The following LMBR1 variants were observed in gnomAD, a reference collection of about 807,000 sequenced individuals.
The protein encoded by LMBR1 is limb region 1 protein homolog.
Under a neutral mutation model 73.9 loss-of-function variants are expected in LMBR1, and 52 were observed. The ratio of observed to expected loss-of-function variants is 0.70; its 90% CI spans 0.56 to 0.89. The LOEUF is 0.89. Ranked by LOEUF, LMBR1 falls within the 40% of genes least tolerant of loss-of-function variation. The pLI, the probability that LMBR1 is intolerant of heterozygous loss-of-function variation, is 0.00. For missense variants in LMBR1, 539 were observed against 579.8 expected (o/e 0.93, Z 0.72); for synonymous variants, 215 against 209.4 (o/e 1.03, Z -0.23).
At chr7:156,736,315 T>A (rs1817854615) in intron 9 of LMBR1, among the ~76,000 whole-genome samples, 2 of 152,244 alleles carry the variant, frequency 1.3e-5, no homozygotes, top group Non-Finnish European at 2.9e-5. Flanking sequence ...TAAACTGTTC[T>A]TTAACAGTCA....
rs1290799685 is a variant in LMBR1, at chr7:156,678,052, G to A, written c.*6026C>T. ...GGAGATACATGGATCATTCAGTGATGGGAAGAGCCCAGGAAAGGTTGTGCC... is the reference window on the plus strand; with the variant it reads ...GGAGATACATGGATCATTCAGTGATAGGAAGAGCCCAGGAAAGGTTGTGCC... On this transcript the variant is annotated 3_prime_UTR_variant, in exon 17 of 17. Coordinates refer to ENST00000353442, the MANE Select transcript of LMBR1 (RefSeq NM_022458.4). The A allele has an allele frequency of 3.3e-5, 5 of 152,240 alleles. No individual in the cohort carries two copies. The highest frequency in any genetic ancestry group is 3.3e-4 in the Admixed American group (5 of 15,284). 9.4% of individuals were successfully genotyped at this position (152,240 alleles called of 1,614,324 possible).
intron 1 of LMBR1, among the ~76,000 whole-genome samples, chr7:156,853,453 T>C (rs995319580): frequency 6.6e-6 from 1 of 152,132 alleles, no homozygotes; most frequent in Admixed American, 6.5e-5. Context: ...CCCTGTGCTT[T>C]AGAAAGAAAA....
At chr7:156,754,811 C>T (rs1821557778) in intron 9 of LMBR1, among the ~76,000 whole-genome samples, 1 of 152,108 alleles carries the variant, frequency 6.6e-6, no homozygotes, top group Admixed American at 6.5e-5. Flanking sequence ...TAAGCATACC[C>T]TACTGAAGCT....
chr7:156,830,023 T>G (rs892286199), intron 3 of LMBR1, among the ~76,000 whole-genome samples: 1 of 152,224 alleles, frequency 6.6e-6, no homozygotes, highest in African/African-American at 2.4e-5. Context: ...CTTCTGCTCC[T>G]CACCTAGAGT....
chr7:156,731,546 A>T (rs1816832654), intron 10 of LMBR1, among the ~76,000 whole-genome samples: 1 of 152,256 alleles, frequency 6.6e-6, no homozygotes, highest in African/African-American at 2.4e-5. Context: ...ACTTTTAACA[A>T]GAAACCAGAA....
At chr7:156,847,162 A>G (rs1795600964) in intron 1 of LMBR1, among the ~76,000 whole-genome samples, 1 of 152,198 alleles carries the variant, frequency 6.6e-6, no homozygotes, top group Non-Finnish European at 1.5e-5. Flanking sequence ...TGACAAAAAG[A>G]GCAAAGGCTA....
chr7:156,725,916 T>C (rs1815655172), intron 12 of LMBR1, 79 bp from the exon 13 acceptor site: 1 of 1,076,390 alleles, frequency 9.3e-7, no homozygotes, highest in African/African-American at 1.6e-5. Context: ...TTTCATAAAA[T>C]AAGACAGTTG....
At chr7:156,751,270 C>T (rs967641980) in intron 9 of LMBR1, among the ~76,000 whole-genome samples, 1 of 152,072 alleles carries the variant, frequency 6.6e-6, no homozygotes, top group East Asian at 1.9e-4. Context: ...CTTAGTGATA[C>T]AATCGATATC....
At chr7:156,704,864 G>A (rs1480216368) in intron 15 of LMBR1, among the ~76,000 whole-genome samples, 1 of 151,296 alleles carries the variant, frequency 6.6e-6, no homozygotes, top group African/African-American at 2.4e-5. Context: ...ATCTCAGAAC[G>A]TGAAAGACAG....
chr7:156,839,668 G>T (rs1315885725), intron 1 of LMBR1, among the ~76,000 whole-genome samples: 1 of 152,130 alleles, frequency 6.6e-6, no homozygotes, highest in Non-Finnish European at 1.5e-5. Context: ...CATCATGTAG[G>T]AATGACAAAC....
intron 2 of LMBR1, among the ~76,000 whole-genome samples, chr7:156,836,348 T>G (rs1420933183): frequency 1.3e-5 from 2 of 152,216 alleles, no homozygotes; most frequent in Non-Finnish European, 1.5e-5. Context: ...TGGTAGTCCC[T>G]CTGGCTGGAT....
intron 1 of LMBR1, among the ~76,000 whole-genome samples, chr7:156,885,727 A>C (rs1208030418): frequency 6.6e-6 from 1 of 151,580 alleles, no homozygotes; most frequent in East Asian, 2.0e-4. Context: ...AAATTCAAAA[A>C]CATTAGCCGG....
In LMBR1 at chr7:156,682,571, A is replaced by G. The variant is rs1157567807; in HGVS notation, c.*1507T>C. On this transcript the variant is annotated 3_prime_UTR_variant, in exon 17 of 17. Transcript: ENST00000353442. ...TTCTTTTATTTTAAAACCAAGCTGC[A>G]TTTTAGAAAGATGTGAAGCTCGGAA... 6.6e-6 allele frequency: 1 copy of G among 152,226 alleles called. No individual in the cohort carries two copies. The highest frequency in any genetic ancestry group is 6.5e-5 in the Admixed American group (1 of 15,284). The allele number at this position is 152,226 out of a possible 1,614,324, so 9.4% of individuals were successfully genotyped here. A position where few individuals can be genotyped will look rare whatever the true frequency, so the allele number is the denominator to read the frequency against.
intron 9 of LMBR1, among the ~76,000 whole-genome samples, chr7:156,750,974 G>A (rs1820767208): frequency 6.6e-6 from 1 of 151,938 alleles, no homozygotes; most frequent in African/African-American, 2.4e-5. Context: ...GCCGGGTATG[G>A]TGGTGGGCGC....
chr7:156,873,062 T>C (rs1036634780), intron 1 of LMBR1, among the ~76,000 whole-genome samples: 1 of 151,216 alleles, frequency 6.6e-6, no homozygotes, highest in South Asian at 2.1e-4. Context: ...GTCGCCAAAA[T>C]GTGTCCGGAA....
chr7:156,851,748 G>A (rs1796270451), intron 1 of LMBR1, among the ~76,000 whole-genome samples: 1 of 152,148 alleles, frequency 6.6e-6, no homozygotes, highest in Admixed American at 6.5e-5. Context: ...ATAGAGGTAT[G>A]AAACAATGTG....
intron 3 of LMBR1, among the ~76,000 whole-genome samples, chr7:156,830,460 G>C (rs2133859411): frequency 6.6e-6 from 1 of 152,238 alleles, no homozygotes; most frequent in South Asian, 2.1e-4. Context: ...TATCATAGTT[G>C]AATTTAAATC....
intron 4 of LMBR1, among the ~76,000 whole-genome samples, chr7:156,671,053 T>A (rs1251478974): frequency 6.6e-6 from 1 of 152,202 alleles, no homozygotes; most frequent in African/African-American, 2.4e-5. Flanking sequence ...GGATAAAAAT[T>A]CCAATTTAGA....
chr7:156,763,544 TA>T, intron 6 of LMBR1, 124 bp downstream of exon 6: 1 of 738,988 alleles, frequency 1.4e-6, no homozygotes, highest in South Asian at 3.3e-5. Context: ...CTTAATTCTG[TA>T]AATTAACATC....
Sources: gnomAD v4.1 joint callset for allele counts (sites outside exome capture counted in the v4.1 genomes callset) on GRCh38, gnomAD v4.1.1 for gene constraint, MANE v1.5 for transcripts, NCBI Gene and HGNC (gene_info 2026-07-23, HGNC 2026-07-21) for gene names.